Variants in CNTNAP5 observed in about 807,000 individuals in gnomAD.
The protein encoded by CNTNAP5 is contactin-associated protein-like 5.
A neutral mutation model predicts 150.2 loss-of-function variants in CNTNAP5; 72 were observed. The ratio of observed to expected loss-of-function variants is 0.48; its 90% CI spans 0.40 to 0.58. The LOEUF (loss-of-function observed/expected upper bound fraction) is 0.58, where lower values mean the gene tolerates loss of function less well. CNTNAP5 is among the 20% of genes least tolerant of loss of function. The probability of loss-of-function intolerance (pLI) is 0.00; values close to 1 mark genes in which losing one functional copy is unlikely to be tolerated. For synonymous variants in CNTNAP5, 672 were observed against 619.8 expected, an observed-to-expected ratio of 1.08 and a Z score of -1.25; for missense variants, 1,636 against 1,626.2, an observed-to-expected ratio of 1.01 and a Z score of -0.10.
intron 7 of CNTNAP5, among the ~76,000 whole-genome samples, chr2:124,492,128 C>G (rs115916493): frequency 0.011 from 1,633 of 152,080 alleles, 10 homozygotes; most frequent in Non-Finnish European, 0.016. Context: ...TGATGTAATC[C>G]CACATGTCTA....
chr2:124,756,008 A>C (rs2105155784), intron 14 of CNTNAP5, among the ~76,000 whole-genome samples: 1 of 152,270 alleles, frequency 6.6e-6, no homozygotes, highest in South Asian at 2.1e-4. Flanking sequence ...TCTCTGGGAA[A>C]TACTGGCTGA....
chr2:124,374,127 A>G (rs1690592803), intron 3 of CNTNAP5, among the ~76,000 whole-genome samples: 1 of 152,122 alleles, frequency 6.6e-6, no homozygotes, highest in Admixed American at 6.6e-5. Context: ...TTAAGTAAAA[A>G]TAAATTCTTA....
At chr2:124,497,555 C>T (rs1264481607) in intron 7 of CNTNAP5, among the ~76,000 whole-genome samples, 1 of 152,080 alleles carries the variant, frequency 6.6e-6, no homozygotes, top group Admixed American at 6.5e-5. Context: ...GTGAAATAAC[C>T]AAAGGATTAT....
At chr2:124,175,378 C>T (rs1024856477) in intron 1 of CNTNAP5, among the ~76,000 whole-genome samples, 1 of 152,072 alleles carries the variant, frequency 6.6e-6, no homozygotes, top group Non-Finnish European at 1.5e-5. Context: ...GGCTTTTATA[C>T]TCTTTTATTC....
chr2:124,911,727 G>A (rs1301932333), intron 23 of CNTNAP5, among the ~76,000 whole-genome samples, 189 bp downstream of exon 23: 1 of 152,036 alleles, frequency 6.6e-6, no homozygotes, highest in African/African-American at 2.4e-5. Context: ...GCCGACACCA[G>A]CAGCTCTGCG....
intron 14 of CNTNAP5, among the ~76,000 whole-genome samples, chr2:124,757,462 C>T (rs1680863583): frequency 6.6e-6 from 1 of 152,188 alleles, no homozygotes; most frequent in African/African-American, 2.4e-5. Flanking sequence ...CCAGCTTCCA[C>T]TCTTGAGAGA....
intron 3 of CNTNAP5, among the ~76,000 whole-genome samples, chr2:124,302,177 C>T (rs1688580548): frequency 6.6e-6 from 1 of 152,178 alleles, no homozygotes; most frequent in South Asian, 2.1e-4. Context: ...AAACAAACTT[C>T]TATTGTTTAA....
intron 10 of CNTNAP5, among the ~76,000 whole-genome samples, chr2:124,550,765 T>C (rs1000303339): frequency 1.3e-5 from 2 of 152,146 alleles, no homozygotes; most frequent in Non-Finnish European, 2.9e-5. Context: ...TTATATTCTA[T>C]TTTGTGAAAA....
chr2:124,690,143 T>C (rs1679272247), intron 13 of CNTNAP5, among the ~76,000 whole-genome samples: 1 of 151,968 alleles, frequency 6.6e-6, no homozygotes, highest in African/African-American at 2.4e-5. Context: ...GTAAAAAAAA[T>C]AAAATCATCT....
At chr2:124,636,765 A>G (rs192047270) in intron 12 of CNTNAP5, among the ~76,000 whole-genome samples, 10 of 152,240 alleles carry the variant, frequency 6.6e-5, no homozygotes, top group African/African-American at 2.4e-4. Context: ...ACTTTCTGGC[A>G]AACTATCTTG....
chr2:124,690,019 G>A (rs1679268857), intron 13 of CNTNAP5, among the ~76,000 whole-genome samples: 2 of 142,648 alleles, frequency 1.4e-5, no homozygotes, highest in South Asian at 2.2e-4. Flanking sequence ...CTTCACTTAC[G>A]GGAAATTTTT....
intron 19 of CNTNAP5, among the ~76,000 whole-genome samples, chr2:124,827,337 C>T (rs975322557): frequency 2.0e-5 from 3 of 152,124 alleles, no homozygotes; most frequent in Admixed American, 6.6e-5. Context: ...GGATGGATTC[C>T]CCTCAAATCT....
At chr2:124,193,529 C>T (rs543764232) in intron 1 of CNTNAP5, among the ~76,000 whole-genome samples, 6 of 152,076 alleles carry the variant, frequency 3.9e-5, no homozygotes, top group South Asian at 4.1e-4. Flanking sequence ...TTAAGATTAA[C>T]GTAAAATGGA....
In CNTNAP5 at chr2:124,140,483, T is replaced by C. The variant is rs1366669493; in HGVS notation, c.83-81222T>C. Among the ~76,000 whole-genome samples the C allele has an allele frequency of 5.3e-5, 3 of 56,086 alleles. No homozygotes were observed. The East Asian group carries it at 1.7e-3, about 31-fold the overall frequency. 36.8% of individuals were successfully genotyped at this position (56,086 alleles called of 152,430 possible). A position where few individuals can be genotyped will look rare whatever the true frequency, so the allele number is the denominator to read the frequency against. On this transcript the variant is annotated intron_variant, in intron 1 of 23. Coordinates refer to ENST00000682447, the MANE Select transcript of CNTNAP5 (RefSeq NM_001367498.1). ...CCTCCTCAAGTGGGTCCCTGACCCC[T>C]GACCCCCGAGCAGCCTAACTGGGAG...
intron 1 of CNTNAP5, among the ~76,000 whole-genome samples, chr2:124,187,235 C>A (rs186152965): frequency 6.6e-6 from 1 of 152,254 alleles, no homozygotes; most frequent in African/African-American, 2.4e-5. Flanking sequence ...CATGATTATG[C>A]TTTGGTTATA....
At chr2:124,770,855 A>G (rs1311286138) in intron 16 of CNTNAP5, among the ~76,000 whole-genome samples, 1 of 152,226 alleles carries the variant, frequency 6.6e-6, no homozygotes, top group Non-Finnish European at 1.5e-5. Context: ...CTTTATCAGG[A>G]TTCGTGTCTA....
At chr2:124,166,310 A>G (rs958577082) in intron 1 of CNTNAP5, among the ~76,000 whole-genome samples, 3 of 152,188 alleles carry the variant, frequency 2.0e-5, no homozygotes, top group African/African-American at 7.2e-5. Flanking sequence ...GGGAGATTTT[A>G]TAATAATAAT....
intron 16 of CNTNAP5, among the ~76,000 whole-genome samples, chr2:124,771,544 G>A (rs751891542): frequency 8.5e-5 from 13 of 152,058 alleles, no homozygotes; most frequent in Non-Finnish European, 1.8e-4. Context: ...ATTTCTCATA[G>A]GGTGGTTTTG....
chr2:124,035,910 CT>C (rs759598012), intron 1 of CNTNAP5, among the ~76,000 whole-genome samples: 17 of 76,536 alleles, frequency 2.2e-4, no homozygotes, highest in East Asian at 5.0e-4. Context: ...AGGATGAACT[CT>C]TTTTTTTTTT....
Sources: gnomAD v4.1 joint callset for allele counts (sites outside exome capture counted in the v4.1 genomes callset) on GRCh38, gnomAD v4.1.1 for gene constraint, MANE v1.5 for transcripts, NCBI Gene and HGNC (gene_info 2026-07-23, HGNC 2026-07-21) for gene names.